Variants in COX7A2 observed in about 807,000 individuals in gnomAD.
The protein encoded by COX7A2 is cytochrome c oxidase subunit 7A2, mitochondrial.
Under a neutral mutation model 11.6 loss-of-function variants are expected in COX7A2, and 11 were observed. The ratio of observed to expected loss-of-function variants is 0.95; its 90% CI spans 0.60 to 1.57. The LOEUF is 1.57. Ranked by LOEUF, COX7A2 falls within the 40% of genes most tolerant of loss-of-function variation. The pLI is 0.00. For synonymous variants in COX7A2, 30 were observed against 38.2 expected (o/e 0.78, Z 0.79); for missense variants, 106 against 100.9 (o/e 1.05, Z -0.22).
At position 75,240,381 on chromosome 6, in the gene COX7A2, T is replaced by A. The variant is rs748935466; in HGVS notation, c.113A>T (p.Asp38Val). 6.8e-6 allele frequency: 10 copies of A among 1,480,290 alleles called. No homozygotes were observed. In the African/African-American group the frequency reaches 9.7e-5, roughly 14 times the overall value. 91.7% of individuals were successfully genotyped at this position (1,480,290 alleles called of 1,614,324 possible). A position where few individuals can be genotyped will look rare whatever the true frequency, so the allele number is the denominator to read the frequency against. Residue 38 changes from aspartate to valine, a missense_variant, in exon 3 of 4, where the codon GAT (aspartate) becomes GTT (valine). Transcript: ENST00000684430. ...CTTTAGATACAGTGGAATTTCATCA[T>A]CCTCCTAGATTTAAAAAAAAAAAAA... ...VPEKQKLFQEDDEIPLYLKGG... is the reference protein window; with the variant it reads ...VPEKQKLFQEVDEIPLYLKGG...
chr6:75,244,105 C>G, upstream of COX7A2: 1 of 263,932 alleles, frequency 3.8e-6, no homozygotes, highest in South Asian at 4.8e-5. Context: ...CTGTTTTGAG[C>G]GAGAAGGCGT....
chr6:75,247,331 TTG>T (rs901664004), upstream of COX7A2, among the ~76,000 whole-genome samples: 1 of 152,102 alleles, frequency 6.6e-6, no homozygotes, highest in African/African-American at 2.4e-5. Context: ...TGTGATTTGG[TTG>T]TGTGTGTGTG....
intron 1 of COX7A2, among the ~76,000 whole-genome samples, chr6:75,242,393 C>A (rs1324408245): frequency 6.6e-6 from 1 of 151,956 alleles, no homozygotes; most frequent in Non-Finnish European, 1.5e-5. Context: ...GAAATTCTAG[C>A]TACTCAGGAG....
chr6:75,246,997 A>T (rs1343826956), upstream of COX7A2, among the ~76,000 whole-genome samples: 1 of 152,210 alleles, frequency 6.6e-6, no homozygotes, highest in Non-Finnish European at 1.5e-5. Flanking sequence ...TTAGAAAATT[A>T]GAAAATGGTT....
chr6:75,241,565 T>C (rs1020093533), intron 1 of COX7A2, among the ~76,000 whole-genome samples: 8 of 152,202 alleles, frequency 5.3e-5, no homozygotes, highest in Admixed American at 3.9e-4. Flanking sequence ...TAATCCTTGA[T>C]GCAAACATAT....
upstream of COX7A2, among the ~76,000 whole-genome samples, chr6:75,246,979 T>C (rs147006322): frequency 2.0e-5 from 3 of 152,350 alleles, no homozygotes; most frequent in African/African-American, 7.2e-5. Flanking sequence ...CCTTGCTCTT[T>C]TGTAATGTTA....
intron 2 of COX7A2, 125 bp from the exon 3 acceptor site, chr6:75,240,510 T>C: frequency 1.6e-6 from 1 of 612,122 alleles, no homozygotes; most frequent in Non-Finnish European, 2.7e-6. Context: ...GTATTTTAAG[T>C]ATTAAAATTT....
chr6:75,248,981 G>A (rs766681127), intron 1 of COX7A2, among the ~76,000 whole-genome samples: 3 of 152,156 alleles, frequency 2.0e-5, no homozygotes, highest in South Asian at 2.1e-4. Flanking sequence ...GGCCGGGCAC[G>A]GATTATAGCC....
intron 2 of COX7A2, chr6:75,240,844 T>C (rs918848296): frequency 2.1e-5 from 4 of 191,342 alleles, no homozygotes; most frequent in Non-Finnish European, 4.2e-5. Flanking sequence ...CAGTAGCTAT[T>C]TAGTACATCT....
At chr6:75,243,345 C>T (rs943564908) in intron 1 of COX7A2, among the ~76,000 whole-genome samples, 7 of 152,132 alleles carry the variant, frequency 4.6e-5, no homozygotes, top group African/African-American at 1.7e-4. Context: ...ACCAGAAAAA[C>T]ACCTTTCTGC....
At chr6:75,247,596 T>TGAG (rs3028625), upstream of COX7A2, among the ~76,000 whole-genome samples, 4 of 151,938 alleles carry the variant, frequency 2.6e-5, no homozygotes, top group Non-Finnish European at 5.9e-5. Flanking sequence ...TCATTAAACT[T>TGAG]TAGTTAGACT....
intron 3 of COX7A2, among the ~76,000 whole-genome samples, chr6:75,238,522 T>C (rs958922842): frequency 4.6e-5 from 7 of 151,688 alleles, no homozygotes; most frequent in African/African-American, 1.5e-4. Context: ...AGCCTCAACA[T>C]GGAGAAACCC....
In COX7A2 at chr6:75,237,842, C is replaced by A; in HGVS notation, c.*88G>T. 1.0e-6 allele frequency: 1 copy of A among 955,478 alleles called. No homozygotes were observed. The highest frequency in any genetic ancestry group is 1.5e-5 in the South Asian group (1 of 66,472). The allele number at this position is 955,478 out of a possible 1,614,324, so 59.2% of individuals were successfully genotyped here. A position where few individuals can be genotyped will look rare whatever the true frequency, so the allele number is the denominator to read the frequency against. On this transcript the variant is annotated 3_prime_UTR_variant, in exon 4 of 4. Coordinates refer to ENST00000684430, the MANE Select transcript of COX7A2 (RefSeq NM_001366293.2). The stretch of plus-strand genomic sequence containing the variant: ...TACTACAAGTCAATAAATATTGATC[C>A]CCAAAGAAGAGCTCGGTTATTTATC...
upstream of COX7A2, chr6:75,243,822 C>T (rs1413399519): frequency 6.2e-7 from 1 of 1,613,754 alleles, no homozygotes; most frequent in East Asian, 2.2e-5. Context: ...CCGAGTCTTG[C>T]GTATGCATTC....
At chr6:75,246,044 T>C (rs1771674909), upstream of COX7A2, among the ~76,000 whole-genome samples, 1 of 152,202 alleles carries the variant, frequency 6.6e-6, no homozygotes, top group Non-Finnish European at 1.5e-5. Flanking sequence ...TCACCTTTTT[T>C]CTACATTCAT....
intron 3 of COX7A2, among the ~76,000 whole-genome samples, chr6:75,238,416 C>G (rs1771382073): frequency 6.6e-6 from 1 of 151,830 alleles, no homozygotes; most frequent in South Asian, 2.1e-4. Flanking sequence ...TAAAAAATAG[C>G]TGATAACTGG....
intron 1 of COX7A2, among the ~76,000 whole-genome samples, chr6:75,243,468 G>T (rs1020132451): frequency 1.3e-5 from 2 of 152,092 alleles, no homozygotes; most frequent in Non-Finnish European, 2.9e-5. Flanking sequence ...AAGAACCCAA[G>T]ACGGGTCTAA....
Position 75,243,787 on chromosome 6 carries a change from G to A in COX7A2, c.-53C>T, listed in dbSNP as rs761515251. The stretch of plus-strand genomic sequence containing the variant: ...ACAACTGAACACCACCAACGAAAAT[G>A]GCCACGCCGGAACCGGAACTACCTC... On this transcript the variant is annotated 5_prime_UTR_variant, in exon 1 of 4. Transcript: ENST00000684430. 3 of 1,614,112 alleles carry A rather than the reference G, an allele frequency of 1.9e-6. No homozygotes were observed. The Admixed American group carries it at 5.0e-5, about 27-fold the overall frequency.
At chr6:75,243,605 TTCATTA>T in intron 1 of COX7A2, 106 bp downstream of exon 1, 4 of 967,818 alleles carry the variant, frequency 4.1e-6, no homozygotes, top group Non-Finnish European at 3.2e-6. Context: ...TCAAGGTGAC[TTCATTA>T]GCCGCCTTCG....
Sources: allele counts gnomAD v4.1 joint callset (sites outside exome capture counted in the v4.1 genomes callset), GRCh38; gene constraint gnomAD v4.1.1; transcripts MANE v1.5; gene names NCBI Gene and HGNC (gene_info 2026-07-23, HGNC 2026-07-21).